SGCG: variants seen among roughly 807,000 people sequenced by gnomAD.
The protein encoded by SGCG is gamma-sarcoglycan.
SGCG carries 26 observed loss-of-function variants against 29.3 expected under a neutral mutation model. That is an observed-to-expected ratio of 0.89 (90% CI 0.65 to 1.23). The LOEUF (loss-of-function observed/expected upper bound fraction) is 1.23. SGCG is among the 50% of genes most tolerant of loss of function. The pLI is 0.00. For missense variants in SGCG, 353 were observed against 356.0 expected (o/e 0.99, Z 0.07); for synonymous variants, 145 against 129.7 (o/e 1.12, Z -0.80).
chr13:23,302,739 G>A (rs519363), intron 6 of SGCG, among the ~76,000 whole-genome samples: 123,051 of 152,044 alleles, frequency 0.81, 52,180 homozygotes, highest in East Asian at 1. Context: ...ACATCTTTTA[G>A]TGAATGGTTG....
At chr13:23,166,626 T>C in the SGCG span, among the ~76,000 whole-genome samples, 1 of 152,206 alleles carries the variant, frequency 6.6e-6, no homozygotes, top group African/African-American at 2.4e-5. Flanking sequence ...GTTCAGTTTT[T>C]TACTTGTGGT....
the SGCG span, among the ~76,000 whole-genome samples, chr13:23,171,147 A>G: frequency 6.6e-6 from 1 of 152,214 alleles, no homozygotes; most frequent in East Asian, 1.9e-4. Context: ...GGCTACATGT[A>G]TCATAATCTG....
chr13:23,312,723 C>T (rs577042635), intron 6 of SGCG, among the ~76,000 whole-genome samples: 6 of 152,144 alleles, frequency 3.9e-5, no homozygotes, highest in Middle Eastern at 3.4e-3. Flanking sequence ...TGTAACAAAA[C>T]GACACTTGTA....
intron 1 of SGCG, among the ~76,000 whole-genome samples, chr13:23,200,441 CA>C (rs1178678299): frequency 1.3e-5 from 2 of 151,862 alleles, no homozygotes; most frequent in East Asian, 3.9e-4. Context: ...AACAAACAAA[CA>C]AAAAAACTGG....
chr13:23,202,164 T>A (rs1877793602), intron 1 of SGCG, among the ~76,000 whole-genome samples: 1 of 152,180 alleles, frequency 6.6e-6, no homozygotes, highest in Non-Finnish European at 1.5e-5. Flanking sequence ...GCCAAAGACA[T>A]CAGCGAAGTC....
At chr13:23,222,074 C>A (rs1878692059) in intron 2 of SGCG, among the ~76,000 whole-genome samples, 1 of 152,184 alleles carries the variant, frequency 6.6e-6, no homozygotes, top group Non-Finnish European at 1.5e-5. Flanking sequence ...CCTAAATCTG[C>A]CTCCTTGTAG....
intron 6 of SGCG, among the ~76,000 whole-genome samples, chr13:23,300,171 T>C (rs954506286): frequency 6.6e-6 from 1 of 152,226 alleles, no homozygotes; most frequent in Non-Finnish European, 1.5e-5. Flanking sequence ...CTAAGGAAGA[T>C]ACACATATAC....
At chr13:23,216,503 G>T (rs681938) in intron 2 of SGCG, among the ~76,000 whole-genome samples, 140,211 of 152,172 alleles carry the variant, frequency 0.92, 64,704 homozygotes, top group East Asian at 0.99. Flanking sequence ...GGTTGATGGA[G>T]CCAATATAAC....
chr13:23,162,031 C>T, the SGCG span, among the ~76,000 whole-genome samples: 2 of 152,342 alleles, frequency 1.3e-5, no homozygotes, highest in African/African-American at 4.8e-5. Context: ...GCTACATAGC[C>T]TAGCTAGTCT....
intron 6 of SGCG, among the ~76,000 whole-genome samples, chr13:23,305,974 C>T (rs916752844): frequency 1.3e-5 from 2 of 152,114 alleles, no homozygotes; most frequent in Non-Finnish European, 2.9e-5. Flanking sequence ...AGGGTTCAAG[C>T]GATTCTCCCA....
intron 6 of SGCG, among the ~76,000 whole-genome samples, chr13:23,314,406 A>ATATATATATATATATG: frequency 7.1e-6 from 1 of 141,634 alleles, no homozygotes; most frequent in East Asian, 2.1e-4. Context: ...ATATATATAT[A>ATATATATATATATATG]TAATCTTATT....
the SGCG span, among the ~76,000 whole-genome samples, chr13:23,172,113 A>G: frequency 6.6e-6 from 1 of 152,154 alleles, no homozygotes; most frequent in African/African-American, 2.4e-5. Context: ...CCATACTTTT[A>G]TTCCCTGAGG....
intron 5 of SGCG, among the ~76,000 whole-genome samples, chr13:23,282,348 T>G (rs914406963): frequency 6.6e-6 from 1 of 152,238 alleles, no homozygotes; most frequent in Non-Finnish European, 1.5e-5. Context: ...AAACTTTTAC[T>G]TTAAGTTCAG....
the SGCG span, among the ~76,000 whole-genome samples, chr13:23,167,620 TGTA>T: frequency 3.3e-5 from 5 of 152,360 alleles, no homozygotes; most frequent in East Asian, 7.7e-4. Flanking sequence ...AGTATCTTGT[TGTA>T]GTTTTTATTT....
At chr13:23,205,132 A>C (rs539429873) in intron 2 of SGCG, among the ~76,000 whole-genome samples, 11 of 152,228 alleles carry the variant, frequency 7.2e-5, no homozygotes, top group African/African-American at 2.6e-4. Context: ...AAATTAATCC[A>C]ATTTAAATTG....
intron 1 of SGCG, among the ~76,000 whole-genome samples, chr13:23,202,745 C>T (rs1010543202): frequency 1.3e-5 from 2 of 152,070 alleles, no homozygotes; most frequent in African/African-American, 4.8e-5. Context: ...TAGACCATAA[C>T]TTATTTTTAA....
chr13:23,313,725 A>G (rs948601035), intron 6 of SGCG, among the ~76,000 whole-genome samples: 1 of 152,212 alleles, frequency 6.6e-6, no homozygotes, highest in Non-Finnish European at 1.5e-5. Context: ...TATAACACCA[A>G]TTATGATGGT....
At chr13:23,178,929 A>G (rs959671976), upstream of SGCG, among the ~76,000 whole-genome samples, 1 of 152,166 alleles carries the variant, frequency 6.6e-6, no homozygotes, top group Admixed American at 6.5e-5. Context: ...TGCAGTAGTC[A>G]AAAATGGAAG....
At chr13:23,178,413 A>G (rs753153957), upstream of SGCG, among the ~76,000 whole-genome samples, 5 of 152,192 alleles carry the variant, frequency 3.3e-5, no homozygotes, top group Non-Finnish European at 5.9e-5. Flanking sequence ...AAAGATGGAC[A>G]AAAGAGCAGT....
Sources: allele counts gnomAD v4.1 joint callset (sites outside exome capture counted in the v4.1 genomes callset), GRCh38; gene constraint gnomAD v4.1.1; transcripts MANE v1.5; gene names NCBI Gene and HGNC (gene_info 2026-07-23, HGNC 2026-07-21).